Variants in ZNF423 observed in about 807,000 individuals in gnomAD.
The protein encoded by ZNF423 is zinc finger protein 423.
Under a neutral mutation model 95.8 loss-of-function variants are expected in ZNF423, and 12 were observed. That is an observed-to-expected ratio of 0.13 (90% CI 0.08 to 0.20). ZNF423 has a LOEUF of 0.20. ZNF423 is among the 10% of genes least tolerant of loss of function. ZNF423 has a pLI of 1.00. For synonymous variants in ZNF423, 749 were observed against 711.9 expected, an observed-to-expected ratio of 1.05 and a Z score of -0.83; for missense variants, 1,316 against 1,737.1, an observed-to-expected ratio of 0.76 and a Z score of 4.31.
At chr16:49,800,749 C>T (rs1390379662) in intron 1 of ZNF423, among the ~76,000 whole-genome samples, 1 of 152,206 alleles carries the variant, frequency 6.6e-6, no homozygotes, top group African/African-American at 2.4e-5. Flanking sequence ...CCCTTAAAAT[C>T]CTCACTTTTC....
intron 1 of ZNF423, among the ~76,000 whole-genome samples, chr16:49,795,129 C>A (rs961451059): frequency 3.3e-5 from 5 of 152,306 alleles, no homozygotes; most frequent in Non-Finnish European, 7.3e-5. Flanking sequence ...GCCTCAGCCT[C>A]CCAAAGTGCT....
At chr16:49,629,092 C>T in intron 4 of ZNF423, among the ~76,000 whole-genome samples, 1 of 144,522 alleles carries the variant, frequency 6.9e-6, no homozygotes, top group African/African-American at 2.4e-5. Context: ...ACTATGCAGC[C>T]AGATGAACCA....
chr16:49,533,180 C>T (rs1407100454), intron 5 of ZNF423, among the ~76,000 whole-genome samples: 1 of 152,198 alleles, frequency 6.6e-6, no homozygotes, highest in East Asian at 1.9e-4. Context: ...GGTTGTCTTC[C>T]TTGATTCCAG....
chr16:49,585,815 A>G (rs1229396433), intron 5 of ZNF423, among the ~76,000 whole-genome samples: 27 of 152,254 alleles, frequency 1.8e-4, no homozygotes, highest in Admixed American at 1.8e-3. Flanking sequence ...GAGGCAAGCC[A>G]TGGAGTCAGA....
chr16:49,794,918 C>G (rs1284885021), intron 1 of ZNF423, among the ~76,000 whole-genome samples: 1 of 152,200 alleles, frequency 6.6e-6, no homozygotes, highest in Non-Finnish European at 1.5e-5. Flanking sequence ...ACTCTTGTCA[C>G]CCAGGCTGGG....
chr16:49,817,990 C>T (rs2034883167), intron 1 of ZNF423, among the ~76,000 whole-genome samples: 1 of 152,084 alleles, frequency 6.6e-6, no homozygotes, highest in African/African-American at 2.4e-5. Flanking sequence ...GTCAACTGTG[C>T]CAAGCCCTCC....
At chr16:49,527,412 C>T (rs544901801) in intron 5 of ZNF423, among the ~76,000 whole-genome samples, 14 of 152,310 alleles carry the variant, frequency 9.2e-5, no homozygotes, top group Admixed American at 2.6e-4. Context: ...CTTGGGGAGA[C>T]GTTCATCATA....
intron 2 of ZNF423, among the ~76,000 whole-genome samples, chr16:49,779,290 G>A (rs1374064434): frequency 6.6e-6 from 1 of 151,790 alleles, no homozygotes; most frequent in Admixed American, 6.6e-5. Context: ...CTGAGGGCCA[G>A]GATCAGGAGC....
At chr16:49,639,406 T>G (rs1044222771) in intron 3 of ZNF423, among the ~76,000 whole-genome samples, 29 of 152,316 alleles carry the variant, frequency 1.9e-4, no homozygotes, top group African/African-American at 7.0e-4. Flanking sequence ...GAATGCACCA[T>G]TCTCTGGGTA....
rs1241430809 is a variant in ZNF423 at position 49,637,199 on chromosome 16, C to T, written c.1977G>A (p.Leu659=). The T allele has an allele frequency of 3.7e-6, 6 of 1,613,856 alleles. No homozygotes were observed. Among genetic ancestry groups the T allele is most frequent in the Non-Finnish European group, 4.2e-6 (5 of 1,180,042 alleles). Residue 659 remains leucine (L), a synonymous_variant, in exon 4 of 8, where the codon CTG becomes CTA. Coordinates refer to ENST00000563137, the MANE Select transcript of ZNF423 (RefSeq NM_001379286.1). This position sits in a 1 kb window ranked among gnomAD's most constrained non-coding sequence, Gnocchi z 5.6. ...GCAGCAGCAGCTCCAGGTGCAGCTT[C>T]AGGTGGGTCTGGAAGCTCTCAAAGT... ...FSNFESFQTH[L]KLHLELLLRK...
In ZNF423 at chr16:49,658,016, A is replaced by G. The variant is rs189233418; in HGVS notation, c.302-19142T>C. 4.5e-3 allele frequency among the ~76,000 whole-genome samples: 684 copies of G among 152,336 alleles called. 2 individuals carry two copies. Among genetic ancestry groups the G allele is most frequent in the African/African-American group, 0.016 (664 of 41,574 alleles). ...CAACGACCTCAGGACTAACAATGTC[A>G]GGTACCCAAGTGTAATCCTAAATCA... On this transcript the variant is annotated intron_variant, in intron 3 of 7. Transcript: ENST00000563137.
At chr16:49,581,232 T>C (rs1330466775) in intron 5 of ZNF423, among the ~76,000 whole-genome samples, 2 of 152,200 alleles carry the variant, frequency 1.3e-5, no homozygotes, top group East Asian at 3.9e-4. Context: ...CTCTTTTCCA[T>C]GGCTGATTAA....
chr16:49,533,591 C>T (rs187283491), intron 5 of ZNF423, among the ~76,000 whole-genome samples: 2 of 152,328 alleles, frequency 1.3e-5, no homozygotes, highest in Non-Finnish European at 2.9e-5. Context: ...CTGGTAAACT[C>T]CCTGTGAGAT....
intron 4 of ZNF423, among the ~76,000 whole-genome samples, chr16:49,632,840 A>G (rs753916405): frequency 6.6e-6 from 1 of 152,214 alleles, no homozygotes; most frequent in African/African-American, 2.4e-5. Context: ...ACACAGCCCA[A>G]GGCTTTGGAG....
chr16:49,648,603 G>A (rs2151900698), intron 3 of ZNF423, among the ~76,000 whole-genome samples: 1 of 151,146 alleles, frequency 6.6e-6, no homozygotes, highest in East Asian at 1.9e-4. Flanking sequence ...GGTGAGCCAA[G>A]ATCATGCCAC....
At chr16:49,755,772 C>G (rs1226808079) in intron 2 of ZNF423, among the ~76,000 whole-genome samples, 1 of 152,146 alleles carries the variant, frequency 6.6e-6, no homozygotes, top group Non-Finnish European at 1.5e-5. Context: ...TCCTATAACT[C>G]TGTTAATCCT....
intron 2 of ZNF423, among the ~76,000 whole-genome samples, chr16:49,784,232 G>A (rs758050132): frequency 3.3e-5 from 5 of 151,846 alleles, no homozygotes; most frequent in Non-Finnish European, 7.4e-5. Context: ...AAAAACAAGC[G>A]TTCAAGCAAA....
chr16:49,792,203 A>T (rs1317449114), intron 1 of ZNF423, among the ~76,000 whole-genome samples: 8 of 152,050 alleles, frequency 5.3e-5, no homozygotes, highest in Non-Finnish European at 1.5e-5. Flanking sequence ...GCACCCAGGT[A>T]TCAGGACAAA....
At chr16:49,498,757 T>C (rs1447976050) in intron 7 of ZNF423, among the ~76,000 whole-genome samples, 2 of 152,144 alleles carry the variant, frequency 1.3e-5, no homozygotes, top group Non-Finnish European at 2.9e-5. Flanking sequence ...ATCTGCTGTG[T>C]ATCACCTGGG....
Sources: gnomAD v4.1 joint callset for allele counts (sites outside exome capture counted in the v4.1 genomes callset) on GRCh38, gnomAD v4.1.1 for gene constraint, Gnocchi (gnomAD v3.1) non-coding constraint, MANE v1.5 for transcripts, NCBI Gene and HGNC (gene_info 2026-07-23, HGNC 2026-07-21) for gene names.